Variants in HOATZ observed in about 807,000 individuals in gnomAD.
HOATZ encodes the protein HOATZ cilia and flagella associated protein.
HOATZ carries 26 observed loss-of-function variants against 24.9 expected under a neutral mutation model. That is an observed-to-expected ratio of 1.04 (90% CI 0.76 to 1.45). The LOEUF is 1.45. Ranked by LOEUF, HOATZ falls within the 40% of genes most tolerant of loss-of-function variation. HOATZ has a pLI of 0.00. For synonymous variants in HOATZ, 83 were observed against 76.6 expected (o/e 1.08, Z -0.43); for missense variants, 226 against 201.5 (o/e 1.12, Z -0.74).
intron 3 of HOATZ, among the ~76,000 whole-genome samples, chr11:111,531,228 CT>C (rs140712862): frequency 1.3e-5 from 2 of 152,118 alleles, no homozygotes; most frequent in Admixed American, 6.6e-5. Context: ...TTTTCCAAAA[CT>C]TTTTGTTTTT....
rs11213933 is a variant in HOATZ at position 111,523,468 on chromosome 11, G to A, written c.339+7358G>A. Reference sequence around the variant, plus strand: ...CTATTGATGAAGCATTATGACCAGCGGCTGGCAGGAACCTAGGAGCAATGG... The same window carrying A: ...CTATTGATGAAGCATTATGACCAGCAGCTGGCAGGAACCTAGGAGCAATGG... On this transcript the variant is annotated intron_variant, in intron 3 of 5. Coordinates refer to ENST00000375618, the MANE Select transcript of HOATZ (RefSeq NM_001100388.2). Among the ~76,000 whole-genome samples, 560 of 152,124 alleles carry A rather than the reference G, an allele frequency of 3.7e-3. 4 individuals carry two copies. Among genetic ancestry groups the A allele is most frequent in the African/African-American group, 0.013 (533 of 41,510 alleles).
At chr11:111,515,463 T>C in intron 1 of HOATZ, 48 bp from the exon 2 acceptor site, 3 of 1,509,602 alleles carry the variant, frequency 2.0e-6, no homozygotes, top group Non-Finnish European at 2.8e-6. Flanking sequence ...GCCTTTAATG[T>C]TGTTGACTTT....
intron 4 of HOATZ, among the ~76,000 whole-genome samples, chr11:111,534,173 A>T (rs576192574): frequency 6.6e-6 from 1 of 152,366 alleles, no homozygotes; most frequent in African/African-American, 2.4e-5. Flanking sequence ...AAACAAACCT[A>T]ATAAAAATAG....
At chr11:111,533,231 T>G (rs1206802159) in intron 3 of HOATZ, among the ~76,000 whole-genome samples, 1 of 152,242 alleles carries the variant, frequency 6.6e-6, no homozygotes. Flanking sequence ...TGAACTTTGT[T>G]GCTAAATGGA....
At chr11:111,524,408 T>G (rs1299713088) in intron 3 of HOATZ, among the ~76,000 whole-genome samples, 1 of 152,156 alleles carries the variant, frequency 6.6e-6, no homozygotes, top group Admixed American at 6.5e-5. Flanking sequence ...TTTAACAGCA[T>G]GTAAGAGAAA....
At chr11:111,517,305 AACTTCAGT>A (rs1307393546) in intron 3 of HOATZ, among the ~76,000 whole-genome samples, 1 of 152,208 alleles carries the variant, frequency 6.6e-6, no homozygotes, top group Non-Finnish European at 1.5e-5. Flanking sequence ...ATTAAAAGTC[AACTTCAGT>A]GCTTTCGGAA....
rs775127980 is a variant in HOATZ at position 111,514,893 on chromosome 11, G to A, written c.109G>A (p.Ala37Thr). 9 of 1,614,062 alleles carry A rather than the reference G, an allele frequency of 5.6e-6. No individual in the cohort carries two copies. In the Admixed American group the frequency reaches 8.3e-5, roughly 15 times the overall value. Reference protein sequence around the residue: ...AGSSEQDANLAKQFWISASMY... With the variant: ...AGSSEQDANLTKQFWISASMY... ...CTCCTCGGAACAAGATGCCAACTTGGCTAAGCAGTTCTGGATCTCGGCGTC... is the reference window on the plus strand; with the variant it reads ...CTCCTCGGAACAAGATGCCAACTTGACTAAGCAGTTCTGGATCTCGGCGTC... The change falls in exon 1 of 6, where the codon GCT (alanine) becomes ACT (threonine). Residue 37 changes from alanine (A) to threonine (T), a missense_variant. Coordinates refer to ENST00000375618, the MANE Select transcript of HOATZ (RefSeq NM_001100388.2).
At chr11:111,522,076 G>T (rs962026069) in intron 3 of HOATZ, among the ~76,000 whole-genome samples, 5 of 152,166 alleles carry the variant, frequency 3.3e-5, no homozygotes, top group African/African-American at 1.2e-4. Flanking sequence ...TTCTCCAAAT[G>T]CATCTCTTCC....
chr11:111,516,125 CAGA>C lies in HOATZ; in HGVS notation c.339+18_339+20del, dbSNP rs761277662. The C allele has an allele frequency of 2.0e-6, 3 of 1,484,730 alleles. No individual in the cohort carries two copies. Among genetic ancestry groups the C allele is most frequent in the Non-Finnish European group, 1.9e-6 (2 of 1,078,974 alleles). 92.0% of individuals were successfully genotyped at this position (1,484,730 alleles called of 1,614,324 possible). ...ATCTCCAAAAGGTAGGCCAATATTT[CAGA>C]AGGTCATCTGATCATCATTAAATTT... is the stretch of plus-strand genomic sequence containing the variant. On this transcript the variant is annotated intron_variant, in intron 3 of 5. Coordinates refer to ENST00000375618, the MANE Select transcript of HOATZ (RefSeq NM_001100388.2).
intron 3 of HOATZ, among the ~76,000 whole-genome samples, chr11:111,532,044 C>G (rs1331836103): frequency 1.3e-5 from 2 of 152,186 alleles, no homozygotes; most frequent in Non-Finnish European, 2.9e-5. Flanking sequence ...ACTTTCAGGT[C>G]TAAAGCATGG....
At chr11:111,529,433 G>A (rs1308190917) in intron 3 of HOATZ, among the ~76,000 whole-genome samples, 2 of 151,892 alleles carry the variant, frequency 1.3e-5, no homozygotes, top group African/African-American at 2.4e-5. Context: ...GTGCAATCTC[G>A]GCTCACTGCA....
At chr11:111,532,498 T>C (rs951496068) in intron 3 of HOATZ, among the ~76,000 whole-genome samples, 1 of 152,084 alleles carries the variant, frequency 6.6e-6, no homozygotes, top group Non-Finnish European at 1.5e-5. Flanking sequence ...GAGAATGCCA[T>C]GTGACAACAA....
intron 3 of HOATZ, among the ~76,000 whole-genome samples, chr11:111,531,001 T>C (rs1867387647): frequency 6.6e-6 from 1 of 152,194 alleles, no homozygotes; most frequent in African/African-American, 2.4e-5. Context: ...AAGTCCTTTA[T>C]AATAAAAAAT....
At chr11:111,515,071 A>AC in intron 1 of HOATZ, 61 bp downstream of exon 1, 1 of 1,193,744 alleles carries the variant, frequency 8.4e-7, no homozygotes. Flanking sequence ...GCCTGCAGGT[A>AC]CCAGAGCCCT....
chr11:111,524,964 G>T, intron 3 of HOATZ: 1 of 421,390 alleles, frequency 2.4e-6, no homozygotes, highest in Non-Finnish European at 4.7e-6. Context: ...TCGGATTCAG[G>T]TGATTCTCCC....
At position 111,528,826 on chromosome 11, in the gene HOATZ, A is replaced by C. The variant is rs185689876; in HGVS notation, c.340-4920A>C. On this transcript the variant is annotated intron_variant, in intron 3 of 5. Coordinates refer to ENST00000375618, the MANE Select transcript of HOATZ (RefSeq NM_001100388.2). Reference sequence around the variant, plus strand: ...TGTCACTCTGTGTGTGTGTGTGTGCATGTGTCTGAAGTCTGTGTGTGTTTG... The same window carrying C: ...TGTCACTCTGTGTGTGTGTGTGTGCCTGTGTCTGAAGTCTGTGTGTGTTTG... Among the ~76,000 whole-genome samples, 13 of 152,130 alleles carry C rather than the reference A, an allele frequency of 8.5e-5. 1 individual carries two copies. Among genetic ancestry groups the C allele is most frequent in the African/African-American group, 2.6e-4 (11 of 41,554 alleles).
chr11:111,517,139 T>G (rs1249131508), intron 3 of HOATZ, among the ~76,000 whole-genome samples: 1 of 152,220 alleles, frequency 6.6e-6, no homozygotes, highest in Non-Finnish European at 1.5e-5. Flanking sequence ...TTTATCACAT[T>G]AATTCACTTT....
Position 111,537,011 on chromosome 11 carries a change from G to C in HOATZ, c.*184G>C. ...ACTTGTGTTAAAATAAAGAAATAAA[G>C]GTTAAATATGCAGGCTTCTATGAAT... On this transcript the variant is annotated 3_prime_UTR_variant, in exon 6 of 6. Coordinates refer to ENST00000375618, the MANE Select transcript of HOATZ (RefSeq NM_001100388.2). 2 of 552,830 alleles carry C rather than the reference G, an allele frequency of 3.6e-6. No individual in the cohort carries two copies. Among genetic ancestry groups the C allele is most frequent in the Non-Finnish European group, 6.5e-6 (2 of 308,992 alleles). 34.2% of individuals were successfully genotyped at this position (552,830 alleles called of 1,614,324 possible).
chr11:111,534,185 A>G (rs1867424057), intron 4 of HOATZ, among the ~76,000 whole-genome samples: 1 of 152,242 alleles, frequency 6.6e-6, no homozygotes, highest in Non-Finnish European at 1.5e-5. Flanking sequence ...TAAAAATAGT[A>G]ATAGTATCAT....
Sources: gnomAD v4.1 joint callset for allele counts (sites outside exome capture counted in the v4.1 genomes callset) on GRCh38, gnomAD v4.1.1 for gene constraint, MANE v1.5 for transcripts, NCBI Gene and HGNC (gene_info 2026-07-23, HGNC 2026-07-21) for gene names.